PAPPA: variants seen among roughly 807,000 people sequenced by gnomAD.
PAPPA encodes the protein pappalysin-1.
PAPPA carries 60 observed loss-of-function variants against 164.0 expected under a neutral mutation model. The ratio of observed to expected loss-of-function variants is 0.37; its 90% CI spans 0.30 to 0.45. PAPPA has a LOEUF of 0.45. Among genes scored for constraint, PAPPA ranks in the 20% least tolerant of loss-of-function variants. The pLI is 1.00. For missense variants in PAPPA, 1,782 were observed against 2,087.3 expected (o/e 0.85, Z 2.85); for synonymous variants, 875 against 814.1 (o/e 1.07, Z -1.27).
At chr9:116,186,538 G>T (rs548544596) in intron 1 of PAPPA, among the ~76,000 whole-genome samples, 75 of 152,168 alleles carry the variant, frequency 4.9e-4, no homozygotes, top group Non-Finnish European at 6.8e-4. Context: ...AGCTTTTCAG[G>T]TCCTGACCCT....
chr9:116,206,308 TG>T (rs1224190953), intron 2 of PAPPA, among the ~76,000 whole-genome samples: 4 of 152,268 alleles, frequency 2.6e-5, no homozygotes, highest in African/African-American at 9.6e-5. Flanking sequence ...TTCGTGAGCT[TG>T]GGGCTTTCTG....
chr9:116,325,724 C>T (rs962621536), intron 10 of PAPPA, among the ~76,000 whole-genome samples: 7 of 151,954 alleles, frequency 4.6e-5, no homozygotes, highest in South Asian at 2.1e-4. Flanking sequence ...CTAGAATTGC[C>T]GTCTGTCATT....
intron 17 of PAPPA, among the ~76,000 whole-genome samples, chr9:116,354,754 T>G (rs1243355246): frequency 6.6e-6 from 1 of 152,172 alleles, no homozygotes; most frequent in East Asian, 1.9e-4. Context: ...TCGTGATCAT[T>G]TTCCTGTTTT....
intron 2 of PAPPA, among the ~76,000 whole-genome samples, chr9:116,196,823 G>C (rs1221781961): frequency 6.6e-6 from 1 of 152,180 alleles, no homozygotes; most frequent in African/African-American, 2.4e-5. Context: ...GAGGAGCACT[G>C]TCTCCACATC....
chr9:116,193,903 G>T (rs1844073220), intron 2 of PAPPA, among the ~76,000 whole-genome samples: 3 of 152,202 alleles, frequency 2.0e-5, no homozygotes, highest in Non-Finnish European at 4.4e-5. Context: ...ACTGTGGTTT[G>T]GAGAAGTTAG....
chr9:116,354,305 C>A (rs1413913278), intron 17 of PAPPA, among the ~76,000 whole-genome samples: 1 of 152,172 alleles, frequency 6.6e-6, no homozygotes, highest in Non-Finnish European at 1.5e-5. Context: ...CTCCTGCCTG[C>A]CTCTGCTGAA....
intron 2 of PAPPA, among the ~76,000 whole-genome samples, chr9:116,196,346 C>T (rs1844103205): frequency 6.6e-6 from 1 of 152,116 alleles, no homozygotes; most frequent in South Asian, 2.1e-4. Context: ...GGTTTTTTCC[C>T]ACCCTGGGTT....
intron 19 of PAPPA, among the ~76,000 whole-genome samples, chr9:116,374,092 T>C (rs999926860): frequency 8.6e-5 from 13 of 151,826 alleles, no homozygotes; most frequent in African/African-American, 2.9e-4. Flanking sequence ...GTGATGATGG[T>C]GGTGGTAGTG....
At chr9:116,371,331 C>T (rs1846571030) in intron 19 of PAPPA, among the ~76,000 whole-genome samples, 1 of 152,110 alleles carries the variant, frequency 6.6e-6, no homozygotes, top group African/African-American at 2.4e-5. Flanking sequence ...ACAGGAGAAT[C>T]GCTTGAACCC....
At chr9:116,156,111 T>TC (rs1564168863) in intron 1 of PAPPA, among the ~76,000 whole-genome samples, 2 of 133,396 alleles carry the variant, frequency 1.5e-5, no homozygotes, top group African/African-American at 6.6e-5. Context: ...TGGAGGTGAT[T>TC]TTTTTTTTTT....
At chr9:116,263,392 T>C (rs182078986) in intron 7 of PAPPA, among the ~76,000 whole-genome samples, 1 of 152,246 alleles carries the variant, frequency 6.6e-6, no homozygotes, top group East Asian at 1.9e-4. Flanking sequence ...AGAAAAGATA[T>C]TTTCATCAAG....
At chr9:116,385,574 CAG>C (rs1379895624) in intron 21 of PAPPA, among the ~76,000 whole-genome samples, 2 of 152,234 alleles carry the variant, frequency 1.3e-5, no homozygotes, top group African/African-American at 4.8e-5. Flanking sequence ...AAGATAAGCA[CAG>C]ACTCTTCACT....
intron 10 of PAPPA, among the ~76,000 whole-genome samples, chr9:116,324,369 G>T: frequency 6.6e-6 from 1 of 152,170 alleles, no homozygotes; most frequent in East Asian, 1.9e-4. Context: ...AGTACATACA[G>T]AGTCCTTAAA....
intron 21 of PAPPA, among the ~76,000 whole-genome samples, chr9:116,395,856 C>A (rs2118737640): frequency 6.6e-6 from 1 of 152,292 alleles, no homozygotes; most frequent in African/African-American, 2.4e-5. Context: ...TTCATCATTG[C>A]CTACTAAAGT....
chr9:116,308,366 A>C (rs940587588), intron 10 of PAPPA, among the ~76,000 whole-genome samples: 27 of 152,250 alleles, frequency 1.8e-4, no homozygotes, highest in African/African-American at 6.5e-4. Context: ...GCCCACTTTC[A>C]GAAGATCCTG....
At chr9:116,359,139 A>G (rs1846390437) in intron 17 of PAPPA, among the ~76,000 whole-genome samples, 1 of 152,212 alleles carries the variant, frequency 6.6e-6, no homozygotes, top group African/African-American at 2.4e-5. Context: ...ACTTACACCC[A>G]GGCTCTTAAC....
intron 6 of PAPPA, among the ~76,000 whole-genome samples, chr9:116,232,809 C>T (rs781225858): frequency 6.6e-6 from 1 of 152,222 alleles, no homozygotes; most frequent in Non-Finnish European, 1.5e-5. Flanking sequence ...GCTAAGATTT[C>T]TACTCCTGTT....
intron 9 of PAPPA, chr9:116,286,612 G>A (rs1163184711): frequency 6.6e-6 from 1 of 152,100 alleles, no homozygotes; most frequent in Non-Finnish European, 1.5e-5. Flanking sequence ...GCTGGGCCCA[G>A]CGTGTTCAAT....
At chr9:116,267,670 G>A (rs1156667476) in intron 8 of PAPPA, among the ~76,000 whole-genome samples, 1 of 151,778 alleles carries the variant, frequency 6.6e-6, no homozygotes, top group Admixed American at 6.6e-5. Context: ...TCAGGAGATC[G>A]AGACCATCCT....
Sources: gnomAD v4.1 joint callset for allele counts (sites outside exome capture counted in the v4.1 genomes callset) on GRCh38, gnomAD v4.1.1 for gene constraint, MANE v1.5 for transcripts, NCBI Gene and HGNC (gene_info 2026-07-23, HGNC 2026-07-21) for gene names.